Variants in RPS6KA6 observed in about 807,000 individuals in gnomAD.
The protein encoded by RPS6KA6 is ribosomal protein S6 kinase alpha-6.
RPS6KA6 carries 27 observed loss-of-function variants against 65.4 expected under a neutral mutation model. The ratio of observed to expected loss-of-function variants is 0.41; its 90% confidence interval spans 0.30 to 0.57. The LOEUF is 0.57. RPS6KA6 is among the 20% of genes least tolerant of loss of function. The pLI is 0.24. For synonymous variants in RPS6KA6, 190 were observed against 184.2 expected, an observed-to-expected ratio of 1.03 and a Z score of -0.26; for missense variants, 486 against 555.6, an observed-to-expected ratio of 0.87 and a Z score of 1.26.
At chrX:84,166,874 A>G (rs1208844576) in intron 1 of RPS6KA6, among the ~76,000 whole-genome samples, 1 of 111,342 alleles carries the variant, frequency 9.0e-6, no homozygotes, top group Non-Finnish European at 1.9e-5. Flanking sequence ...ATATAATAAA[A>G]AGTATTGAAT....
At chrX:84,084,871 C>T (rs1229309648) in intron 20 of RPS6KA6, among the ~76,000 whole-genome samples, 1 of 111,211 alleles carries the variant, frequency 9.0e-6, no homozygotes, top group Non-Finnish European at 1.9e-5. Context: ...TGTTTGTGTC[C>T]TAATTTCCAT....
chrX:84,128,902 C>G (rs1445868896), intron 8 of RPS6KA6, among the ~76,000 whole-genome samples: 1 of 111,670 alleles, frequency 9.0e-6, no homozygotes, highest in African/African-American at 3.2e-5. Context: ...TACAAGAAAA[C>G]ATTGGATAAA....
At chrX:84,095,389 A>G (rs939682091) in intron 20 of RPS6KA6, among the ~76,000 whole-genome samples, 7 of 111,768 alleles carry the variant, frequency 6.3e-5, no homozygotes, top group African/African-American at 2.3e-4. Flanking sequence ...AAAAATTATA[A>G]ATGTAAGAAA....
chrX:84,169,352 T>C (rs1475663976), intron 1 of RPS6KA6, among the ~76,000 whole-genome samples: 2 of 110,544 alleles, frequency 1.8e-5, no homozygotes, highest in African/African-American at 3.3e-5. Flanking sequence ...GAAAATCACA[T>C]AGGTCACTTC....
rs757071523 is a variant in RPS6KA6 at position 84,065,134 on chromosome X, G to T, written c.1972-23C>A. On this transcript the variant is annotated intron_variant, in intron 20 of 21. Transcript: ENST00000262752. Reference sequence around the variant, plus strand: ...ATCCTAAATTAAAAAAAATGTGTGTGTATATATATATACATGTATACATAC... The same window carrying T: ...ATCCTAAATTAAAAAAAATGTGTGTTTATATATATATACATGTATACATAC... 28 of 1,062,369 alleles carry T rather than the reference G, an allele frequency of 2.6e-5. No homozygotes were observed. In the Admixed American group the frequency reaches 6.4e-4, roughly 24 times the overall value. The allele number at this position is 1,062,369 out of a possible 1,213,427, so 87.6% of individuals were successfully genotyped here. A position where few individuals can be genotyped will look rare whatever the true frequency, so the allele number is the denominator to read the frequency against.
chrX:84,153,920 C>T (rs918819916), intron 3 of RPS6KA6, among the ~76,000 whole-genome samples: 2 of 111,708 alleles, frequency 1.8e-5, no homozygotes, highest in African/African-American at 6.5e-5. Flanking sequence ...CTTCTTAAAA[C>T]TAAATCCCAG....
intron 20 of RPS6KA6, among the ~76,000 whole-genome samples, chrX:84,076,501 A>C (rs1216546896): frequency 8.9e-6 from 1 of 112,012 alleles, no homozygotes. Context: ...GCATTTGAAA[A>C]TAAACGTAAT....
chrX:84,115,791 A>T (rs910174103), intron 12 of RPS6KA6, among the ~76,000 whole-genome samples: 3 of 111,909 alleles, frequency 2.7e-5, no homozygotes, highest in African/African-American at 9.7e-5. Context: ...GAATAAAATC[A>T]TTATCTTTGC....
At position 84,097,757 on chromosome X, in the gene RPS6KA6, A is replaced by G; in HGVS notation, c.1853+15T>C. Reference sequence around the variant, plus strand: ...CAAATAACAATGTTAATGCTTTTGAATATATGTTTCTTACCCAGCCAACAT... The same window carrying G: ...CAAATAACAATGTTAATGCTTTTGAGTATATGTTTCTTACCCAGCCAACAT... On this transcript the variant is annotated intron_variant, in intron 19 of 21. Transcript: ENST00000262752. 9.2e-7 allele frequency: 1 copy of G among 1,081,651 alleles called. No homozygotes were observed. The highest frequency in any genetic ancestry group is 1.9e-5 in the South Asian group (1 of 51,527). The allele number at this position is 1,081,651 out of a possible 1,213,427, so 89.1% of individuals were successfully genotyped here.
At position 84,149,106 on chromosome X, in the gene RPS6KA6, A is replaced by T. The variant is rs1040234415; in HGVS notation, c.259-983T>A. Among the ~76,000 whole-genome samples, 5 of 111,868 alleles carry T rather than the reference A, an allele frequency of 4.5e-5. No homozygotes were observed. In the Admixed American group the frequency reaches 4.8e-4, roughly 11 times the overall value. ...CAGAAGTAGATTTCACCTCAAAAAA[A>T]CTATTTTCTTTGCTCATCCACAAGG... On this transcript the variant is annotated intron_variant, in intron 3 of 21. Transcript: ENST00000262752.
intron 12 of RPS6KA6, among the ~76,000 whole-genome samples, chrX:84,113,507 A>G (rs1758871283): frequency 8.9e-6 from 1 of 112,449 alleles, no homozygotes; most frequent in East Asian, 2.8e-4. Context: ...GGATGGATCA[A>G]CATTTACTAA....
chrX:84,141,515 T>C (rs1026345209), intron 6 of RPS6KA6, among the ~76,000 whole-genome samples: 20 of 109,853 alleles, frequency 1.8e-4, no homozygotes, highest in African/African-American at 6.6e-4. Context: ...TAGATTTAAA[T>C]AGAACTACAA....
At chrX:84,096,519 C>T (rs890596428) in intron 19 of RPS6KA6, among the ~76,000 whole-genome samples, 4 of 111,166 alleles carry the variant, frequency 3.6e-5, no homozygotes, top group African/African-American at 1.3e-4. Flanking sequence ...ATCTTGTTTA[C>T]ATCAATTATT....
intron 20 of RPS6KA6, among the ~76,000 whole-genome samples, chrX:84,082,306 A>T (rs990728938): frequency 5.4e-5 from 6 of 111,599 alleles, no homozygotes; most frequent in Admixed American, 9.6e-5. Context: ...CCAATAACAG[A>T]CAAAAAGAGA....
rs929114741 is a variant in RPS6KA6 at position 84,058,686 on chromosome X, T to C, written c.*5591A>G. 3 of 111,885 alleles carry C rather than the reference T, an allele frequency of 2.7e-5. No individual in the cohort carries two copies. The highest frequency in any genetic ancestry group is 3.8e-5 in the Non-Finnish European group (2 of 53,196). 9.2% of individuals were successfully genotyped at this position (111,885 alleles called of 1,213,427 possible). A position where few individuals can be genotyped will look rare whatever the true frequency, so the allele number is the denominator to read the frequency against. Reference sequence around the variant, plus strand: ...TCATAATATAGTCAGAACAATAAAATAGTTTTTGAACACTGGGGATTGTTT... The same window carrying C: ...TCATAATATAGTCAGAACAATAAAACAGTTTTTGAACACTGGGGATTGTTT... On this transcript the variant is annotated 3_prime_UTR_variant, in exon 22 of 22. Transcript: ENST00000262752.
intron 18 of RPS6KA6, 80 bp from the exon 19 acceptor site, chrX:84,097,928 A>C: frequency 1.5e-6 from 1 of 666,823 alleles, no homozygotes; most frequent in Non-Finnish European, 2.3e-6. Context: ...TACTTCTAAT[A>C]ATCTCACAAA....
chrX:84,061,715 C>T lies in RPS6KA6; in HGVS notation c.*2562G>A, dbSNP rs1296284426. ...ACAATAAAACCCCAAACTGTGCTAT[C>T]ATTAAATACTACCAAAAACCATTAA... On this transcript the variant is annotated 3_prime_UTR_variant, in exon 22 of 22. Transcript: ENST00000262752. The T allele has an allele frequency of 9.0e-6, 1 of 111,645 alleles. No individual in the cohort carries two copies. Among genetic ancestry groups the T allele is most frequent in the African/African-American group, 3.3e-5 (1 of 30,719 alleles). The allele number at this position is 111,645 out of a possible 1,213,427, so 9.2% of individuals were successfully genotyped here. A position where few individuals can be genotyped will look rare whatever the true frequency, so the allele number is the denominator to read the frequency against.
At chrX:84,177,177 T>C (rs1054062489) in intron 1 of RPS6KA6, among the ~76,000 whole-genome samples, 1 of 111,875 alleles carries the variant, frequency 8.9e-6, no homozygotes, top group South Asian at 3.7e-4. Context: ...TGTATATAAA[T>C]ACCTTTAAAG....
intron 3 of RPS6KA6, among the ~76,000 whole-genome samples, chrX:84,151,138 A>AT (rs1241837085): frequency 1.8e-4 from 17 of 96,999 alleles, no homozygotes; most frequent in African/African-American, 6.7e-4. Flanking sequence ...ATAGATATAT[A>AT]GGATATATAG....
Sources: gnomAD v4.1 joint callset for allele counts (sites outside exome capture counted in the v4.1 genomes callset) on GRCh38, gnomAD v4.1.1 for gene constraint, MANE v1.5 for transcripts, NCBI Gene and HGNC (gene_info 2026-07-23, HGNC 2026-07-21) for gene names.